ACACA: variants seen among roughly 807,000 people sequenced by gnomAD.
The protein encoded by ACACA is acetyl-CoA carboxylase 1.
A neutral mutation model predicts 296.1 loss-of-function variants in ACACA; 103 were observed. The observed-to-expected ratio is 0.35, with a 90% CI of 0.30 to 0.41. ACACA has a LOEUF of 0.41. Ranked by LOEUF, ACACA falls within the 10% of genes least tolerant of loss-of-function variation. The pLI is 1.00. For synonymous variants in ACACA, 953 were observed against 1,038.6 expected, an observed-to-expected ratio of 0.92 and a Z score of 1.58; for missense variants, 1,554 against 2,989.7, an observed-to-expected ratio of 0.52 and a Z score of 11.20.
chr17:37,259,667 G>C (rs930796673), intron 11 of ACACA, 137 bp from the exon 12 acceptor site: 1 of 892,364 alleles, frequency 1.1e-6, no homozygotes, highest in Non-Finnish European at 1.8e-6. Flanking sequence ...GCACATTTCT[G>C]ATTATTATAC....
rs772480282 is a variant in ACACA at position 37,242,071 on chromosome 17, G to GA, written c.2932-19dup. 6.2e-6 allele frequency: 10 copies of GA among 1,605,538 alleles called. No homozygotes were observed. In the African/African-American group the frequency reaches 6.7e-5, roughly 11 times the overall value. ...TTTGCAATCTAAGGTATAAAAAAGG[G>GA]AAAAAAATGAGGCCCAACCCAACAA... On this transcript the variant is annotated intron_variant, in intron 22 of 55. Transcript: ENST00000616317.
chr17:37,145,458 A>G (rs1015749500), intron 45 of ACACA, among the ~76,000 whole-genome samples: 2 of 152,212 alleles, frequency 1.3e-5, no homozygotes, highest in South Asian at 2.1e-4. Flanking sequence ...GACATGAAAT[A>G]GCAAGCCCCT....
At chr17:37,359,849 C>T (rs2147595697) in intron 1 of ACACA, among the ~76,000 whole-genome samples, 1 of 152,202 alleles carries the variant, frequency 6.6e-6, no homozygotes, top group South Asian at 2.1e-4. Context: ...ACAGCCCACT[C>T]CAAAGGTGTT....
chr17:37,164,538 C>T (rs114737024), intron 41 of ACACA, among the ~76,000 whole-genome samples: 205 of 152,236 alleles, frequency 1.3e-3, no homozygotes, highest in African/African-American at 4.7e-3. Context: ...TAAGGTATTA[C>T]TCTATCTACT....
chr17:37,237,521 T>C (rs979290980), intron 24 of ACACA, among the ~76,000 whole-genome samples: 1 of 152,320 alleles, frequency 6.6e-6, no homozygotes, highest in Admixed American at 6.5e-5. Context: ...TTTTAAATTT[T>C]TGCCACTCTC....
chr17:37,245,357 T>C, intron 19 of ACACA, 143 bp from the exon 20 acceptor site: 2 of 762,872 alleles, frequency 2.6e-6, no homozygotes, highest in Admixed American at 2.2e-5. Context: ...CATCATCTCC[T>C]AGGGACTATC....
chr17:37,111,390 C>T (rs2073964563), intron 52 of ACACA, 141 bp downstream of exon 52: 1 of 744,212 alleles, frequency 1.3e-6, no homozygotes, highest in African/African-American at 1.7e-5. Flanking sequence ...TACCAGGGTT[C>T]TTACCATATA....
intron 1 of ACACA, among the ~76,000 whole-genome samples, chr17:37,357,057 C>T (rs1335932718): frequency 6.6e-6 from 1 of 152,212 alleles, no homozygotes; most frequent in Non-Finnish European, 1.5e-5. Context: ...CTGAGGCTGG[C>T]TTTCACAATA....
rs1011611449 is a variant in ACACA at position 37,207,909 on chromosome 17, T to G, written c.3708-109A>C. 20 of 1,356,650 alleles carry G rather than the reference T, an allele frequency of 1.5e-5. No homozygotes were observed. The Admixed American group carries it at 3.4e-4, about 23-fold the overall frequency. The allele number at this position is 1,356,650 out of a possible 1,614,324, so 84.0% of individuals were successfully genotyped here. A position where few individuals can be genotyped will look rare whatever the true frequency, so the allele number is the denominator to read the frequency against. ...GAGAAAACTCTGAAGTAGGGTCAGG[T>G]TGCAGAGCAGATTTGGTTTTTTTAC... On this transcript the variant is annotated intron_variant, in intron 30 of 55. Coordinates refer to ENST00000616317, the MANE Select transcript of ACACA (RefSeq NM_198834.3).
chr17:37,271,874 C>T (rs926349536), intron 9 of ACACA, among the ~76,000 whole-genome samples: 2 of 151,332 alleles, frequency 1.3e-5, no homozygotes, highest in African/African-American at 2.4e-5. Flanking sequence ...CGGGAGGCTG[C>T]GGCACGAGAA....
chr17:37,398,967 T>C lies in ACACA; in HGVS notation c.38+7295A>G, dbSNP rs2051189831. ...GGAGGAGAAAGGAGATGCAGGAAGA[T>C]AATAACTTCCCTAAATTCTTTTTTT... On this transcript the variant is annotated intron_variant, in intron 1 of 55. Coordinates refer to ENST00000616317, the MANE Select transcript of ACACA (RefSeq NM_198834.3). Among the ~76,000 whole-genome samples the C allele has an allele frequency of 2.7e-5, 4 of 146,186 alleles. No individual in the cohort carries two copies. In the Admixed American group the frequency reaches 2.9e-4, roughly 11 times the overall value.
At chr17:37,316,890 T>C (rs2047118875) in intron 3 of ACACA, among the ~76,000 whole-genome samples, 1 of 151,834 alleles carries the variant, frequency 6.6e-6, no homozygotes, top group Admixed American at 6.6e-5. Context: ...CTGGCCAACA[T>C]GGCGAAACCG....
chr17:37,197,323 G>C (rs1330694086), intron 35 of ACACA, among the ~76,000 whole-genome samples: 1 of 152,188 alleles, frequency 6.6e-6, no homozygotes, highest in Admixed American at 6.5e-5. Flanking sequence ...CTATATAACA[G>C]CACAGCTTGC....
In ACACA at chr17:37,181,334, T is replaced by A; in HGVS notation, c.4799A>T (p.Asp1600Val). The A allele has an allele frequency of 1.2e-6, 2 of 1,613,910 alleles. No homozygotes were observed. The highest frequency in any genetic ancestry group is 2.7e-5 in the African/African-American group (2 of 74,928). Residue 1600 changes from aspartate (D) to valine (V), a missense_variant, in exon 40 of 56, where the codon GAC (aspartate) becomes GTC (valine). Physicochemically the swap from Asp to Val is radical, Grantham distance 152 (BLOSUM62 -3). Around this residue, in one of 16 missense-constraint regions of ACACA, gnomAD observed 553 missense variants for 1,043.6 expected, o/e 0.53. Transcript: ENST00000616317. Reference protein sequence around the residue: ...TAQIMFQAYGDKQGPLHGMLI... With the variant: ...TAQIMFQAYGVKQGPLHGMLI... ...CATTCCATGCAGTGGTCCCTGTTTG[T>A]CTCCATATGCCTGAAACATGATCTG... is the stretch of plus-strand genomic sequence containing the variant.
chr17:37,306,069 C>T (rs1381569650), intron 3 of ACACA, among the ~76,000 whole-genome samples: 3 of 151,842 alleles, frequency 2.0e-5, no homozygotes, highest in African/African-American at 4.8e-5. Flanking sequence ...CCACCATGCC[C>T]GGCTAATTTT....
In ACACA at chr17:37,200,629, A is replaced by AT; in HGVS notation, c.4057-147_4057-146insA. 8.0e-6 allele frequency: 6 copies of AT among 750,960 alleles called. No homozygotes were observed. In the East Asian group the frequency reaches 1.6e-4, roughly 20 times the overall value. 46.5% of individuals were successfully genotyped at this position (750,960 alleles called of 1,614,324 possible). ...TTAGCTTAGTACCTTCAAACTTGCA[A>AT]GTGAACAAATTTCAATCTGGCTCCT... On this transcript the variant is annotated intron_variant, in intron 33 of 55. Coordinates refer to ENST00000616317, the MANE Select transcript of ACACA (RefSeq NM_198834.3).
chr17:37,144,234 C>G, intron 45 of ACACA: 1 of 702,414 alleles, frequency 1.4e-6, no homozygotes, highest in Non-Finnish European at 2.6e-6. Flanking sequence ...CAAGTTTGCA[C>G]AAAAAATGCG....
chr17:37,326,978 T>A (rs566730021), intron 3 of ACACA, among the ~76,000 whole-genome samples: 34 of 152,316 alleles, frequency 2.2e-4, no homozygotes, highest in African/African-American at 7.7e-4. Context: ...TCTCAGCACC[T>A]AAACTTGAGA....
chr17:37,379,179 G>A (rs772856916), intron 1 of ACACA: 23 of 1,613,788 alleles, frequency 1.4e-5, no homozygotes, highest in Non-Finnish European at 1.9e-5. Context: ...ATTCAAAACC[G>A]GACTATAGCT....
Sources: gnomAD v4.1 joint callset for allele counts (sites outside exome capture counted in the v4.1 genomes callset) on GRCh38, gnomAD v4.1.1 for gene constraint, gnomAD v4.1.1 regional missense constraint, MANE v1.5 for transcripts, NCBI Gene and HGNC (gene_info 2026-07-23, HGNC 2026-07-21) for gene names.